GSE1: variants seen among roughly 807,000 people sequenced by gnomAD.
GSE1 encodes Gse1 coiled-coil protein.
In GSE1, 32 loss-of-function variants were observed where a neutral mutation model predicts 112.6. The ratio of observed to expected loss-of-function variants is 0.28; its 90% CI spans 0.21 to 0.38. The LOEUF is 0.38. Ranked by LOEUF, GSE1 falls within the 10% of genes least tolerant of loss-of-function variation. The probability of loss-of-function intolerance (pLI) is 1.00; values close to 1 mark genes in which losing one functional copy is unlikely to be tolerated. For missense variants in GSE1, 2,348 were observed against 1,699.2 expected (o/e 1.38, Z -6.71); for synonymous variants, 1,115 against 735.6 (o/e 1.52, Z -8.35).
At chr16:85,183,252 C>T (rs1386504055) in intron 1 of GSE1, among the ~76,000 whole-genome samples, 5 of 152,236 alleles carry the variant, frequency 3.3e-5, no homozygotes, top group Non-Finnish European at 5.9e-5. Context: ...CACTCATGCA[C>T]ACACACTCAC....
At chr16:85,524,753 C>T (rs1419834712) in intron 2 of GSE1, among the ~76,000 whole-genome samples, 1 of 152,120 alleles carries the variant, frequency 6.6e-6, no homozygotes, top group Non-Finnish European at 1.5e-5. Flanking sequence ...CCCCGAGGGG[C>T]ATCTGATGGC....
chr16:85,224,814 C>G (rs2075455058), intron 1 of GSE1, among the ~76,000 whole-genome samples: 1 of 150,800 alleles, frequency 6.6e-6, no homozygotes, highest in Non-Finnish European at 1.5e-5. Context: ...ATTGTGAAAC[C>G]CTGTCTCTAC....
intron 2 of GSE1, 94 bp downstream of exon 2, chr16:85,634,226 T>C (rs1222368718): frequency 2.3e-6 from 2 of 866,000 alleles, no homozygotes; most frequent in Non-Finnish European, 3.3e-6. Context: ...TCACAGCAGG[T>C]CTCGTCTTTC....
chr16:85,169,542 C>A, exon 1 of GSE1: 3 of 956,170 alleles, frequency 3.1e-6, no homozygotes, highest in Non-Finnish European at 3.7e-6. Context: ...GGCGGCCGGC[C>A]CCGGTCTCCC....
intron 2 of GSE1, chr16:85,490,937 C>T (rs946244494): frequency 6.6e-6 from 1 of 152,170 alleles, no homozygotes; most frequent in East Asian, 1.9e-4. Context: ...CCGGCCAAGT[C>T]TGCTGGATGG....
At chr16:85,402,982 C>T (rs562444924) in intron 2 of GSE1, among the ~76,000 whole-genome samples, 6 of 152,094 alleles carry the variant, frequency 3.9e-5, no homozygotes, top group Middle Eastern at 3.4e-3. Flanking sequence ...ACAGCATGTG[C>T]GGGTCAGGGA....
chr16:85,416,170 G>C (rs993032132), intron 2 of GSE1, among the ~76,000 whole-genome samples: 2 of 152,154 alleles, frequency 1.3e-5, no homozygotes. Flanking sequence ...ATAAACTATT[G>C]ACAAGCCAGA....
chr16:85,546,293 C>A (rs2044697946), intron 2 of GSE1, among the ~76,000 whole-genome samples: 1 of 152,114 alleles, frequency 6.6e-6, no homozygotes, highest in East Asian at 1.9e-4. Flanking sequence ...ACCATGTTGG[C>A]CAGGCTGGTC....
intron 2 of GSE1, among the ~76,000 whole-genome samples, chr16:85,390,019 A>C (rs1348713638): frequency 6.6e-6 from 1 of 152,216 alleles, no homozygotes; most frequent in Non-Finnish European, 1.5e-5. Flanking sequence ...AAGAAAGCAC[A>C]AGCAGCTGAC....
chr16:85,428,944 G>A (rs989737871), intron 2 of GSE1, among the ~76,000 whole-genome samples: 13 of 152,176 alleles, frequency 8.5e-5, no homozygotes, highest in African/African-American at 2.7e-4. Flanking sequence ...GGAGTGAGCA[G>A]TAACATTTGT....
At chr16:85,253,929 G>T (rs1378190373) in intron 1 of GSE1, among the ~76,000 whole-genome samples, 5 of 152,204 alleles carry the variant, frequency 3.3e-5, no homozygotes, top group African/African-American at 1.2e-4. Flanking sequence ...CACAGACTGG[G>T]TGCTGTGGGC....
At chr16:85,209,703 A>G (rs527860331) in intron 1 of GSE1, among the ~76,000 whole-genome samples, 2 of 152,296 alleles carry the variant, frequency 1.3e-5, no homozygotes, top group Admixed American at 6.5e-5. Flanking sequence ...CATGGTCACG[A>G]CACGTGATCC....
intron 1 of GSE1, among the ~76,000 whole-genome samples, chr16:85,240,873 G>A (rs560254707): frequency 1.3e-5 from 2 of 152,256 alleles, no homozygotes; most frequent in South Asian, 2.1e-4. Context: ...GAGGCTGGAC[G>A]CAGGACCCAG....
At position 85,675,637 on chromosome 16, in the gene GSE1, A is replaced by G. The variant is rs1266110798; in HGVS notation, c.*3098A>G. 1 of 152,240 alleles carries G rather than the reference A, an allele frequency of 6.6e-6. No homozygotes were observed. Among genetic ancestry groups the G allele is most frequent in the African/African-American group, 2.4e-5 (1 of 41,466 alleles). The allele number at this position is 152,240 out of a possible 1,614,324, so 9.4% of individuals were successfully genotyped here. On this transcript the variant is annotated 3_prime_UTR_variant, in exon 16 of 16. Coordinates refer to ENST00000253458, the MANE Select transcript of GSE1 (RefSeq NM_014615.5). ...TAGCAGAATGGTATTTTCCTCAAGT[A>G]GCTCATAATACTGCCAAATCTCAAA...
chr16:85,547,406 C>T (rs116863396), intron 2 of GSE1, among the ~76,000 whole-genome samples: 457 of 152,316 alleles, frequency 3.0e-3, no homozygotes, highest in Middle Eastern at 0.024. Context: ...AGACATCCCT[C>T]GGCTTGTGGC....
chr16:85,496,710 G>C (rs1256026561), intron 2 of GSE1, among the ~76,000 whole-genome samples: 1 of 152,216 alleles, frequency 6.6e-6, no homozygotes, highest in South Asian at 2.1e-4. Flanking sequence ...GGGTTCCTTG[G>C]AGGGTGTGAG....
At chr16:85,533,467 T>C (rs962863884) in intron 2 of GSE1, among the ~76,000 whole-genome samples, 1 of 151,892 alleles carries the variant, frequency 6.6e-6, no homozygotes. Context: ...TTTGCATATG[T>C]GTTATAATGG....
At chr16:85,283,498 T>G (rs2044918847) in intron 1 of GSE1, 1 of 152,602 alleles carries the variant, frequency 6.6e-6, no homozygotes, top group Non-Finnish European at 1.5e-5. Flanking sequence ...ATGGCCTAAC[T>G]CAGGCAGAGT....
chr16:85,360,624 C>T (rs1017369017), intron 2 of GSE1, among the ~76,000 whole-genome samples: 6 of 151,930 alleles, frequency 3.9e-5, no homozygotes, highest in Admixed American at 2.0e-4. Context: ...GCCAGCTGGG[C>T]GGCGGGGCGG....
Sources: gnomAD v4.1 joint callset for allele counts (sites outside exome capture counted in the v4.1 genomes callset) on GRCh38, gnomAD v4.1.1 for gene constraint, MANE v1.5 for transcripts, NCBI Gene and HGNC (gene_info 2026-07-23, HGNC 2026-07-21) for gene names.